EXOC6: variants seen among roughly 807,000 people sequenced by gnomAD.
EXOC6 encodes the protein exocyst complex component 6.
Under a neutral mutation model 112.5 loss-of-function variants are expected in EXOC6, and 60 were observed. The ratio of observed to expected loss-of-function variants is 0.53; its 90% CI spans 0.43 to 0.66. The LOEUF (loss-of-function observed/expected upper bound fraction) is 0.66, where lower values mean the gene tolerates loss of function less well. Among genes scored for constraint, EXOC6 ranks in the 30% least tolerant of loss-of-function variants. The pLI is 0.00. For synonymous variants in EXOC6, 295 were observed against 308.0 expected (o/e 0.96, Z 0.44); for missense variants, 855 against 957.1 (o/e 0.89, Z 1.41).
At chr10:92,869,019 A>T (rs1013383114) in intron 1 of EXOC6, among the ~76,000 whole-genome samples, 7 of 151,984 alleles carry the variant, frequency 4.6e-5, no homozygotes. Context: ...ATATTTTATC[A>T]TGTTAAGGAA....
Position 92,909,423 on chromosome 10 carries a change from A to C in EXOC6, c.459-4A>C, listed in dbSNP as rs777791635. ...ATAGAGTTTTCTTTTTTAACTTCTCACAGGTACTATTCTGCCCTAAAAACT... is the reference window on the plus strand; with the variant it reads ...ATAGAGTTTTCTTTTTTAACTTCTCCCAGGTACTATTCTGCCCTAAAAACT... On this transcript the variant is annotated splice_region_variant and splice_polypyrimidine_tract_variant and intron_variant, in intron 5 of 21. Transcript: ENST00000260762. 1.3e-6 allele frequency: 2 copies of C among 1,582,408 alleles called. No homozygotes were observed.
intron 20 of EXOC6, among the ~76,000 whole-genome samples, chr10:93,017,612 G>T (rs1474903519): frequency 6.6e-6 from 1 of 151,394 alleles, no homozygotes; most frequent in African/African-American, 2.4e-5. Flanking sequence ...CTACATATTG[G>T]GTACAATGTA....
intron 16 of EXOC6, 149 bp downstream of exon 16, chr10:92,954,890 A>G (rs1853605339): frequency 2.0e-6 from 1 of 512,578 alleles, no homozygotes; most frequent in Non-Finnish European, 3.4e-6. Context: ...ACACCAGTGT[A>G]AATTCCAGAA....
At chr10:93,025,873 C>A (rs1845002815) in intron 20 of EXOC6, among the ~76,000 whole-genome samples, 1 of 152,078 alleles carries the variant, frequency 6.6e-6, no homozygotes, top group Admixed American at 6.5e-5. Flanking sequence ...AAAGAGAGCC[C>A]CCACCCCACA....
chr10:92,905,309 A>G (rs1850381218), intron 5 of EXOC6, among the ~76,000 whole-genome samples: 1 of 152,054 alleles, frequency 6.6e-6, no homozygotes, highest in African/African-American at 2.4e-5. Context: ...GATATTCACA[A>G]AATAAGTTGC....
intron 1 of EXOC6, among the ~76,000 whole-genome samples, chr10:92,877,236 T>C (rs1389062185): frequency 6.6e-6 from 1 of 152,086 alleles, no homozygotes; most frequent in East Asian, 1.9e-4. Context: ...ATTACTGACA[T>C]TGAACATAAA....
chr10:92,962,520 G>T (rs1446435247), intron 17 of EXOC6, among the ~76,000 whole-genome samples: 2 of 151,826 alleles, frequency 1.3e-5, no homozygotes, highest in African/African-American at 4.8e-5. Context: ...CTCCCAAATA[G>T]CTAGGACTAC....
At chr10:92,901,245 G>A (rs144622505) in intron 5 of EXOC6, 82 of 152,094 alleles carry the variant, frequency 5.4e-4, no homozygotes, top group African/African-American at 2.0e-3. Context: ...AGTAATATGT[G>A]GGTCCTGTTT....
At chr10:92,890,526 G>A (rs532768960) in intron 1 of EXOC6, among the ~76,000 whole-genome samples, 69 of 152,232 alleles carry the variant, frequency 4.5e-4, no homozygotes, top group African/African-American at 1.6e-3. Context: ...CATTCCAGTA[G>A]GGGAAGACAG....
intron 12 of EXOC6, among the ~76,000 whole-genome samples, chr10:92,940,247 GA>G (rs1430842569): frequency 2.0e-5 from 3 of 152,076 alleles, no homozygotes; most frequent in Non-Finnish European, 4.4e-5. Context: ...GAGTCGGAAA[GA>G]ATAAAATTCG....
At chr10:92,996,872 A>T (rs932331598) in intron 18 of EXOC6, among the ~76,000 whole-genome samples, 2 of 152,206 alleles carry the variant, frequency 1.3e-5, no homozygotes, top group African/African-American at 4.8e-5. Flanking sequence ...CTAAATGCAC[A>T]TCTGTAGATA....
chr10:93,043,161 T>G (rs935256712), intron 20 of EXOC6, among the ~76,000 whole-genome samples: 2 of 152,018 alleles, frequency 1.3e-5, no homozygotes, highest in African/African-American at 4.8e-5. Context: ...GGTCTTGAAC[T>G]TCTGACCTCG....
chr10:92,920,256 A>C (rs548496549), intron 8 of EXOC6, among the ~76,000 whole-genome samples: 1 of 152,154 alleles, frequency 6.6e-6, no homozygotes, highest in African/African-American at 2.4e-5. Context: ...TATTTTAAGA[A>C]CCTTGTAATA....
intron 1 of EXOC6, among the ~76,000 whole-genome samples, 179 bp downstream of exon 1, chr10:92,848,813 G>T (rs1447739272): frequency 6.6e-6 from 1 of 151,948 alleles, no homozygotes; most frequent in Non-Finnish European, 1.5e-5. Context: ...GCGGGACCGA[G>T]AAGGCGGCTG....
chr10:92,884,971 A>C (rs1564800307), intron 1 of EXOC6, among the ~76,000 whole-genome samples: 1 of 152,210 alleles, frequency 6.6e-6, no homozygotes, highest in South Asian at 2.1e-4. Flanking sequence ...GTAGTTTCTC[A>C]GTTAAGACAT....
At chr10:92,995,154 T>A (rs1032332036) in intron 18 of EXOC6, among the ~76,000 whole-genome samples, 1 of 152,014 alleles carries the variant, frequency 6.6e-6, no homozygotes, top group Non-Finnish European at 1.5e-5. Flanking sequence ...AGAAATTCAA[T>A]GTTAGGATTT....
intron 1 of EXOC6, among the ~76,000 whole-genome samples, chr10:92,829,449 T>C (rs1395249782): frequency 6.6e-6 from 1 of 152,228 alleles, no homozygotes; most frequent in Non-Finnish European, 1.5e-5. Context: ...TACGTGTCCA[T>C]GTCCTTGATT....
chr10:92,953,103 G>A (rs1173047477), intron 15 of EXOC6, among the ~76,000 whole-genome samples: 1 of 152,136 alleles, frequency 6.6e-6, no homozygotes, highest in African/African-American at 2.4e-5. Context: ...TTTTGAGACA[G>A]GAACTCACTC....
intron 20 of EXOC6, among the ~76,000 whole-genome samples, chr10:93,053,264 T>C (rs1387298273): frequency 1.3e-5 from 2 of 152,152 alleles, no homozygotes; most frequent in Non-Finnish European, 1.5e-5. Flanking sequence ...GGAACAGGCA[T>C]GGATAGCTGC....
Sources: allele counts gnomAD v4.1 joint callset (sites outside exome capture counted in the v4.1 genomes callset), GRCh38; gene constraint gnomAD v4.1.1; transcripts MANE v1.5; gene names NCBI Gene and HGNC (gene_info 2026-07-23, HGNC 2026-07-21).